COG7: variants seen among roughly 807,000 people sequenced by gnomAD.
The protein encoded by COG7 is component of oligomeric golgi complex 7.
COG7 carries 49 observed loss-of-function variants against 91.5 expected under a neutral mutation model. The observed-to-expected ratio is 0.54, with a 90% confidence interval of 0.43 to 0.68. The LOEUF (loss-of-function observed/expected upper bound fraction) is 0.68, where lower values mean the gene tolerates loss of function less well. COG7 is among the 30% of genes least tolerant of loss of function. The pLI is 0.00. For missense variants in COG7, 895 were observed against 961.3 expected (o/e 0.93, Z 0.91); for synonymous variants, 365 against 388.7 (o/e 0.94, Z 0.72).
rs751166322 is a variant in COG7, at chr16:23,452,916, C to T, written c.79G>A (p.Glu27Lys). 2.5e-6 allele frequency: 4 copies of T among 1,614,118 alleles called. No individual in the cohort carries two copies. In the South Asian group the frequency reaches 3.3e-5, roughly 13 times the overall value. The change falls in exon 1 of 17, where the codon GAG becomes AAG. Residue 27 changes from glutamate (E) to lysine (K), a missense_variant. Glu to Lys is a moderately conservative substitution (Grantham distance 56, BLOSUM62 1). Coordinates refer to ENST00000307149, the MANE Select transcript of COG7 (RefSeq NM_153603.4). ...INAAFRAGSK[E>K]AASGKADGHA... Reference sequence around the variant, plus strand: ...CCATCCGCCTTCCCGGACGCCGCCTCCTTGGAGCCGGCCCTGAAGGCCGCA... The same window carrying T: ...CCATCCGCCTTCCCGGACGCCGCCTTCTTGGAGCCGGCCCTGAAGGCCGCA...
At chr16:23,396,457 T>C (rs1225435017) in intron 14 of COG7, among the ~76,000 whole-genome samples, 1 of 152,132 alleles carries the variant, frequency 6.6e-6, no homozygotes, top group African/African-American at 2.4e-5. Flanking sequence ...GGTGGGCAGA[T>C]CACTTCAGGT....
At chr16:23,403,239 A>T (rs1014129372) in intron 13 of COG7, among the ~76,000 whole-genome samples, 1 of 152,206 alleles carries the variant, frequency 6.6e-6, no homozygotes, top group South Asian at 2.1e-4. Flanking sequence ...GAAAGAAAGG[A>T]ACAGAACCCT....
intron 13 of COG7, among the ~76,000 whole-genome samples, chr16:23,399,321 G>A (rs1963337307): frequency 6.6e-6 from 1 of 151,720 alleles, no homozygotes; most frequent in Non-Finnish European, 1.5e-5. Context: ...GTTCTTGCCT[G>A]CGAATGCTCT....
intron 13 of COG7, among the ~76,000 whole-genome samples, chr16:23,400,989 G>GA (rs777605431): frequency 5.3e-4 from 78 of 146,838 alleles, no homozygotes; most frequent in Middle Eastern, 6.8e-3. Flanking sequence ...AGGGGGGGGG[G>GA]AAAACAGCAG....
intron 11 of COG7, among the ~76,000 whole-genome samples, chr16:23,408,721 G>A (rs1456578183): frequency 6.6e-6 from 1 of 151,996 alleles, no homozygotes; most frequent in Non-Finnish European, 1.5e-5. Context: ...AAGTGCCACA[G>A]GCATACAGTA....
At position 23,388,784 on chromosome 16, in the gene COG7, G is replaced by A; in HGVS notation, c.*136C>T. ...CAAAGTGCTGGGATTACAGGCGTGA[G>A]CCACCGTGACCAGCTGAACCAAGTC... On this transcript the variant is annotated 3_prime_UTR_variant, in exon 17 of 17. Transcript: ENST00000307149. 1 of 1,478,436 alleles carries A rather than the reference G, an allele frequency of 6.8e-7. No homozygotes were observed. Among genetic ancestry groups the A allele is most frequent in the Non-Finnish European group, 9.0e-7 (1 of 1,109,816 alleles). 91.6% of individuals were successfully genotyped at this position (1,478,436 alleles called of 1,614,324 possible). A position where few individuals can be genotyped will look rare whatever the true frequency, so the allele number is the denominator to read the frequency against.
chr16:23,427,029 G>A (rs1189378322), intron 6 of COG7, among the ~76,000 whole-genome samples: 8 of 152,004 alleles, frequency 5.3e-5, no homozygotes, highest in Non-Finnish European at 4.4e-5. Context: ...TGGGAGGATC[G>A]CTTGAGCCTA....
chr16:23,406,063 T>C lies in COG7; in HGVS notation c.1662+13A>G, dbSNP rs370267412. On this transcript the variant is annotated intron_variant, in intron 12 of 16. Coordinates refer to ENST00000307149, the MANE Select transcript of COG7 (RefSeq NM_153603.4). ...CTTTCATTTGCAAGAATGCCATTCA[T>C]TTGGTCTCATACCTTAAGGGTATAA... is the stretch of plus-strand genomic sequence containing the variant. The C allele has an allele frequency of 1.2e-6, 2 of 1,610,732 alleles. No individual in the cohort carries two copies.
At chr16:23,408,355 C>T (rs1162300708) in intron 11 of COG7, among the ~76,000 whole-genome samples, 2 of 23,674 alleles carry the variant, frequency 8.4e-5, no homozygotes, top group Admixed American at 5.5e-4. Context: ...AGGTAGGGGA[C>T]GAGTGGGGCG....
At chr16:23,445,693 A>C (rs1486047908) in intron 2 of COG7, 120 bp downstream of exon 2, 2 of 1,008,740 alleles carry the variant, frequency 2.0e-6, no homozygotes, top group Non-Finnish European at 3.2e-6. Flanking sequence ...TGCTGGGCAG[A>C]ATCTTGAGTG....
At chr16:23,433,736 C>G (rs928466073) in intron 5 of COG7, 69 bp from the exon 6 acceptor site, 40 of 1,591,122 alleles carry the variant, frequency 2.5e-5, no homozygotes, top group Non-Finnish European at 3.3e-5. Flanking sequence ...CACTGCCCTG[C>G]CCTGCTACCC....
chr16:23,418,963 CT>C, intron 7 of COG7, 136 bp from the exon 8 acceptor site: 1 of 764,262 alleles, frequency 1.3e-6, no homozygotes, highest in African/African-American at 1.7e-5. Context: ...TGTTAAGCAG[CT>C]TTTATCATTC....
rs184989444 is a variant in COG7, at chr16:23,391,818, G to A, written c.2146+562C>T. The A allele has an allele frequency of 2.1e-4, 47 of 219,916 alleles. No homozygotes were observed. In the Admixed American group the frequency reaches 2.4e-3, roughly 11 times the overall value. 13.6% of individuals were successfully genotyped at this position (219,916 alleles called of 1,614,324 possible). A position where few individuals can be genotyped will look rare whatever the true frequency, so the allele number is the denominator to read the frequency against. On this transcript the variant is annotated intron_variant, in intron 16 of 16. Transcript: ENST00000307149. ...GCCCTCCAGTGAAGAGGGCAGGCAGGAGCAAAGGGGACACGCCCACTGACT... is the reference window on the plus strand; with the variant it reads ...GCCCTCCAGTGAAGAGGGCAGGCAGAAGCAAAGGGGACACGCCCACTGACT...
At position 23,433,647 on chromosome 16, in the gene COG7, C is replaced by T; in HGVS notation, c.708G>A (p.Trp236Ter). ...ATAGGTCACTTTGACACAGCTCTTGCCAGGCTGCTAAAAGCTGCACCTGCA... is the reference window on the plus strand; with the variant it reads ...ATAGGTCACTTTGACACAGCTCTTGTCAGGCTGCTAAAAGCTGCACCTGCA... Reference protein sequence around the residue: ...KCHKVQLLAAWQELCQSDLSL... With the variant: ...KCHKVQLLAA The change falls in exon 6 of 17, where the codon TGG becomes TGA. Residue 236 changes from tryptophan (W) to a stop codon, truncating the protein, a stop_gained. Coordinates refer to ENST00000307149, the MANE Select transcript of COG7 (RefSeq NM_153603.4). LOFTEE classifies it high-confidence loss of function. The T allele has an allele frequency of 6.2e-7, 1 of 1,613,992 alleles. No homozygotes were observed. The highest frequency in any genetic ancestry group is 8.5e-7 in the Non-Finnish European group (1 of 1,179,978).
At chr16:23,412,277 C>T (rs1963576326) in intron 10 of COG7, 1 of 152,272 alleles carries the variant, frequency 6.6e-6, no homozygotes. Context: ...GAGAGAAGCA[C>T]TGCACAACAG....
chr16:23,423,936 A>AT (rs1257475156), intron 7 of COG7, among the ~76,000 whole-genome samples: 2 of 152,134 alleles, frequency 1.3e-5, no homozygotes, highest in Non-Finnish European at 2.9e-5. Flanking sequence ...GGGAAAGCCC[A>AT]TTTTCTCTAC....
At chr16:23,401,292 G>A (rs550260821) in intron 13 of COG7, among the ~76,000 whole-genome samples, 5 of 152,258 alleles carry the variant, frequency 3.3e-5, no homozygotes, top group Admixed American at 6.5e-5. Context: ...TGGCACCCTC[G>A]GAGTGCTCCT....
At position 23,406,037 on chromosome 16, in the gene COG7, C is replaced by T. The variant is rs568072013; in HGVS notation, c.1662+39G>A. 2.5e-6 allele frequency: 4 copies of T among 1,586,198 alleles called. No individual in the cohort carries two copies. In the African/African-American group the frequency reaches 5.4e-5, roughly 21 times the overall value. On this transcript the variant is annotated intron_variant, in intron 12 of 16. Transcript: ENST00000307149. ...GGAGAGGGTGAGTGATGAGAAGAAG[C>T]CTTTCATTTGCAAGAATGCCATTCA...
rs373098326 is a variant in COG7, at chr16:23,445,908, C to T, written c.223G>A (p.Ala75Thr). 4 of 1,611,528 alleles carry T rather than the reference C, an allele frequency of 2.5e-6. No individual in the cohort carries two copies. In the African/African-American group the frequency reaches 5.4e-5, roughly 22 times the overall value. ...NMPKVLRDVE[A>T]LKQEASFLKE... ...AGGAAAGATGCCTCCTGTTTTAGGGCTTCAACATCACGGAGCACTTTGGGC... is the reference window on the plus strand; with the variant it reads ...AGGAAAGATGCCTCCTGTTTTAGGGTTTCAACATCACGGAGCACTTTGGGC... Residue 75 changes from alanine to threonine, a missense_variant, in exon 2 of 17, where the codon GCC becomes ACC. Ala to Thr is a moderately conservative substitution (Grantham distance 58, BLOSUM62 0). Transcript: ENST00000307149.
Sources: allele counts gnomAD v4.1 joint callset (sites outside exome capture counted in the v4.1 genomes callset), GRCh38; gene constraint gnomAD v4.1.1; transcripts MANE v1.5; gene names NCBI Gene and HGNC (gene_info 2026-07-23, HGNC 2026-07-21).